ACACB: variants seen among roughly 807,000 people sequenced by gnomAD.
ACACB encodes acetyl-CoA carboxylase 2.
A neutral mutation model predicts 278.8 loss-of-function variants in ACACB; 209 were observed. That is an observed-to-expected ratio of 0.75 (90% confidence interval 0.67 to 0.84). The LOEUF (loss-of-function observed/expected upper bound fraction) is 0.84, where lower values mean the gene tolerates loss of function less well. ACACB is among the 40% of genes least tolerant of loss of function. The pLI, the probability that ACACB is intolerant of heterozygous loss-of-function variation, is 0.00. For synonymous variants in ACACB, 1,174 were observed against 1,285.6 expected, an observed-to-expected ratio of 0.91 and a Z score of 1.86; for missense variants, 2,850 against 3,269.0, an observed-to-expected ratio of 0.87 and a Z score of 3.13.
chr12:109,198,812 G>T (rs1187544508), intron 17 of ACACB, among the ~76,000 whole-genome samples: 1 of 151,572 alleles, frequency 6.6e-6, no homozygotes, highest in African/African-American at 2.4e-5. Context: ...TTTTTGTAGA[G>T]GCAGGGTCTC....
chr12:109,177,185 C>A (rs2044309533), intron 9 of ACACB, among the ~76,000 whole-genome samples: 2 of 152,162 alleles, frequency 1.3e-5, no homozygotes, highest in African/African-American at 4.8e-5. Flanking sequence ...TTATGTTATT[C>A]CTGCCTTGGC....
chr12:109,217,591 G>A (rs1414415740), intron 24 of ACACB, among the ~76,000 whole-genome samples: 1 of 152,028 alleles, frequency 6.6e-6, no homozygotes, highest in Non-Finnish European at 1.5e-5. Context: ...TCGAGGCCAG[G>A]AGTTTGAGAC....
chr12:109,185,553 CTG>C, intron 11 of ACACB, 24 bp from the exon 12 acceptor site: 1 of 1,612,216 alleles, frequency 6.2e-7, no homozygotes, highest in East Asian at 2.2e-5. Context: ...GACTGACAGT[CTG>C]TGGGTTGGAT....
chr12:109,148,362 C>A (rs955332428), intron 2 of ACACB, among the ~76,000 whole-genome samples: 1 of 152,180 alleles, frequency 6.6e-6, no homozygotes, highest in African/African-American at 2.4e-5. Context: ...TGATGAGACA[C>A]TCAGGTTCAA....
At chr12:109,209,543 T>C (rs903241034) in intron 21 of ACACB, among the ~76,000 whole-genome samples, 190 bp downstream of exon 21, 2 of 152,104 alleles carry the variant, frequency 1.3e-5, no homozygotes, top group African/African-American at 2.4e-5. Flanking sequence ...AAAGCAACAG[T>C]TGTTTGAATG....
rs753928226 is a variant in ACACB, at chr12:109,266,266, G to A, written c.7281G>A (p.Val2427=). ...TTGAAGAAAACCCCGAGGTGGCCGT[G>A]GACTGTGTGATATACCTGAGCCAGC... is the stretch of plus-strand genomic sequence containing the variant. ...GLVEENPEVA[V]DCVIYLSQHI... The change falls in exon 53 of 53, where the codon GTG becomes GTA. Residue 2427 remains valine, a synonymous_variant. Transcript: ENST00000338432. The A allele has an allele frequency of 6.2e-7, 1 of 1,613,750 alleles. No homozygotes were observed. The highest frequency in any genetic ancestry group is 8.5e-7 in the Non-Finnish European group (1 of 1,179,940).
In ACACB at chr12:109,139,863, A is replaced by C; in HGVS notation, c.458A>C (p.Lys153Thr). ...GGCTCCCCCTCCAAAGAAGACAAGA[A>C]GCAGGCAAACATCAAGAGGCAGCTG... ...QAGSPSKEDK[K>T]QANIKRQLMT... Residue 153 changes from lysine (K) to threonine (T), a missense_variant, in exon 2 of 53, where the codon AAG becomes ACG. By Grantham distance (78) the Lys-to-Thr change is moderately conservative (BLOSUM62 -1). Transcript: ENST00000338432. The C allele has an allele frequency of 6.2e-7, 1 of 1,614,208 alleles. No individual in the cohort carries two copies. The highest frequency in any genetic ancestry group is 8.5e-7 in the Non-Finnish European group (1 of 1,180,012).
Position 109,168,677 on chromosome 12 carries a change from C to G in ACACB, c.925+643C>G, listed in dbSNP as rs2136169322. Among the ~76,000 whole-genome samples the G allele has an allele frequency of 1.3e-5, 2 of 152,082 alleles. 1 individual carries two copies. Among genetic ancestry groups the G allele is most frequent in the South Asian group, 4.1e-4 (2 of 4,826 alleles). ...CAAAAAATAAAAATAAAAAAATTAA[C>G]TGGGTATAGTGGCACGCACCTGTAG... On this transcript the variant is annotated intron_variant, in intron 4 of 52. Transcript: ENST00000338432.
At chr12:109,178,144 A>G (rs1168493147) in intron 9 of ACACB, among the ~76,000 whole-genome samples, 1 of 152,198 alleles carries the variant, frequency 6.6e-6, no homozygotes, top group Non-Finnish European at 1.5e-5. Flanking sequence ...CTGTCACTGT[A>G]TATACTTTTA....
Position 109,210,161 on chromosome 12 carries a change from G to A in ACACB, c.3249+808G>A, listed in dbSNP as rs573493920. ...TATATATGTATATATACACACGTGT[G>A]TATATGTATATATGTATATATACAC... is the stretch of plus-strand genomic sequence containing the variant. On this transcript the variant is annotated intron_variant, in intron 21 of 52. Transcript: ENST00000338432. Among the ~76,000 whole-genome samples, 13 of 45,278 alleles carry A rather than the reference G, an allele frequency of 2.9e-4. 1 individual carries two copies. The highest frequency in any genetic ancestry group is 5.9e-4 in the African/African-American group (6 of 10,172). The allele number at this position is 45,278 out of a possible 152,430, so 29.7% of individuals were successfully genotyped here. A position where few individuals can be genotyped will look rare whatever the true frequency, so the allele number is the denominator to read the frequency against.
intron 28 of ACACB, among the ~76,000 whole-genome samples, chr12:109,229,401 G>A (rs1426677846): frequency 6.6e-6 from 1 of 152,162 alleles, no homozygotes; most frequent in Non-Finnish European, 1.5e-5. Flanking sequence ...TCACCTCCAA[G>A]TCCTTTCCAC....
At chr12:109,195,881 A>G (rs2045108121) in intron 16 of ACACB, among the ~76,000 whole-genome samples, 1 of 152,128 alleles carries the variant, frequency 6.6e-6, no homozygotes, top group Non-Finnish European at 1.5e-5. Context: ...GAGGAACTGA[A>G]TTTTACATTT....
chr12:109,201,944 C>T (rs999115895), intron 19 of ACACB, among the ~76,000 whole-genome samples: 3 of 152,174 alleles, frequency 2.0e-5, no homozygotes, highest in African/African-American at 7.2e-5. Flanking sequence ...CTGCCAGTGA[C>T]CTGCAAGACC....
upstream of ACACB, chr12:109,113,382 C>G (rs1461423859): frequency 6.6e-6 from 1 of 152,256 alleles, no homozygotes; most frequent in African/African-American, 2.4e-5. Flanking sequence ...TTCTGAGAAC[C>G]TGGCCTAATG....
At chr12:109,186,089 C>T (rs1189254326) in intron 12 of ACACB, among the ~76,000 whole-genome samples, 1 of 152,060 alleles carries the variant, frequency 6.6e-6, no homozygotes, top group South Asian at 2.1e-4. Flanking sequence ...CGCCACCACG[C>T]CTGGCTAATT....
intron 1 of ACACB, among the ~76,000 whole-genome samples, chr12:109,119,987 A>G (rs767111587): frequency 3.9e-5 from 6 of 152,220 alleles, no homozygotes; most frequent in Non-Finnish European, 5.9e-5. Context: ...AGTGAAGGTG[A>G]TATCAGAGGA....
At chr12:109,245,982 G>T (rs763224516) in intron 38 of ACACB, among the ~76,000 whole-genome samples, 197 bp from the exon 39 acceptor site, 1 of 152,014 alleles carries the variant, frequency 6.6e-6, no homozygotes, top group African/African-American at 2.4e-5. Context: ...CCAGCTACTC[G>T]AGAGACTGAG....
At chr12:109,198,206 C>G (rs540003755) in intron 17 of ACACB, among the ~76,000 whole-genome samples, 5 of 152,134 alleles carry the variant, frequency 3.3e-5, no homozygotes, top group East Asian at 3.9e-4. Context: ...CCTGTTATCT[C>G]TTTTTTAACC....
chr12:109,131,510 C>T (rs1481919138), intron 1 of ACACB: 1 of 152,678 alleles, frequency 6.5e-6, no homozygotes, highest in East Asian at 1.9e-4. Context: ...TGCTGACATT[C>T]TGTCCCCTCT....
Sources: allele counts gnomAD v4.1 joint callset (sites outside exome capture counted in the v4.1 genomes callset), GRCh38; gene constraint gnomAD v4.1.1; transcripts MANE v1.5; gene names NCBI Gene and HGNC (gene_info 2026-07-23, HGNC 2026-07-21).